NOTCH2NLC: variants seen among roughly 807,000 people sequenced by gnomAD.
NOTCH2NLC encodes notch 2 N-terminal like C, also known as notch homolog 2 N-terminal-like protein C.
A neutral mutation model predicts 17.7 loss-of-function variants in NOTCH2NLC; 4 were observed. The observed-to-expected ratio is 0.23, with a 90% CI of 0.11 to 0.52. The LOEUF (loss-of-function observed/expected upper bound fraction) is 0.52, where lower values mean the gene tolerates loss of function less well. Among genes scored for constraint, NOTCH2NLC ranks in the 20% least tolerant of loss-of-function variants. The pLI is 0.96. For missense variants in NOTCH2NLC, 57 were observed against 207.2 expected (o/e 0.28, Z 4.45); for synonymous variants, 18 against 86.0 (o/e 0.21, Z 4.38).
intron 1 of NOTCH2NLC, among the ~76,000 whole-genome samples, chr1:149,427,492 CTTTTTT>C (rs1171198772): frequency 9.2e-5 from 8 of 87,320 alleles, no homozygotes; most frequent in African/African-American, 3.8e-4. Flanking sequence ...TCTACCACAG[CTTTTTT>C]TTTTTTTTTT....
chr1:149,461,180 C>T (rs1350861058), intron 3 of NOTCH2NLC, among the ~76,000 whole-genome samples: 1 of 149,814 alleles, frequency 6.7e-6, no homozygotes, highest in Non-Finnish European at 1.5e-5. Context: ...AGTGATCTGC[C>T]CACCTCAGCC....
intron 3 of NOTCH2NLC, among the ~76,000 whole-genome samples, chr1:149,460,629 A>C (rs1570921902): frequency 6.8e-6 from 1 of 148,114 alleles, no homozygotes; most frequent in Non-Finnish European, 1.5e-5. Context: ...GAGCCACCAC[A>C]CCCGGCCGAT....
rs1163066549 is a variant in NOTCH2NLC, at chr1:149,471,372, A to G, written c.*7219A>G. 1.3e-5 allele frequency among the ~76,000 whole-genome samples: 2 copies of G among 149,194 alleles called. No individual in the cohort carries two copies. Among genetic ancestry groups the G allele is most frequent in the Admixed American group, 6.7e-5 (1 of 14,896 alleles). ...TCTTTTGTTGCTTGTGCTTTCAGTC[A>G]TATTTGTGAAAACTTTGCTTATCCC... On this transcript the variant is annotated 3_prime_UTR_variant, in exon 5 of 5. Transcript: ENST00000650865.
At position 149,428,803 on chromosome 1, in the gene NOTCH2NLC, C is replaced by G. The variant is rs1423641997; in HGVS notation, c.136-2139C>G. The stretch of plus-strand genomic sequence containing the variant: ...GGTCTCCTGAGTCCCTCCACTGCAC[C>G]AGGATTCCTGCAGGGGGACAGAGCT... On this transcript the variant is annotated intron_variant, in intron 1 of 4. Transcript: ENST00000650865. Among the ~76,000 whole-genome samples the G allele has an allele frequency of 3.3e-5, 5 of 150,056 alleles. 1 individual carries two copies. The highest frequency in any genetic ancestry group is 7.4e-5 in the Non-Finnish European group (5 of 67,152).
chr1:149,433,543 CTT>C (rs2084465266), intron 2 of NOTCH2NLC, among the ~76,000 whole-genome samples: 1 of 148,740 alleles, frequency 6.7e-6, no homozygotes, highest in Non-Finnish European at 1.5e-5. Context: ...AACTTGGTGA[CTT>C]ATATATGGAG....
chr1:149,460,920 T>C (rs1200805157), intron 3 of NOTCH2NLC, among the ~76,000 whole-genome samples: 1 of 137,700 alleles, frequency 7.3e-6, no homozygotes, highest in East Asian at 2.1e-4. Flanking sequence ...TCTTTCTCTC[T>C]CTTTCTCTCT....
chr1:149,447,041 ACT>A (rs1218189053), intron 2 of NOTCH2NLC, among the ~76,000 whole-genome samples: 1 of 135,552 alleles, frequency 7.4e-6, no homozygotes, highest in Admixed American at 7.4e-5. Flanking sequence ...CCATGTTTTC[ACT>A]CTCTAACCAA....
chr1:149,419,673 C>G (rs1288159950), intron 1 of NOTCH2NLC, among the ~76,000 whole-genome samples: 2 of 149,496 alleles, frequency 1.3e-5, no homozygotes, highest in Admixed American at 6.7e-5. Flanking sequence ...TTAAGAGGAA[C>G]TGATTTGGAC....
chr1:149,430,647 G>T (rs1416267704), intron 1 of NOTCH2NLC, among the ~76,000 whole-genome samples: 2 of 147,218 alleles, frequency 1.4e-5, no homozygotes, highest in South Asian at 4.4e-4. Context: ...GTCATAGATG[G>T]TATGGCTTTA....
chr1:149,401,143 A>T (rs1398677242), intron 1 of NOTCH2NLC, among the ~76,000 whole-genome samples: 1 of 147,286 alleles, frequency 6.8e-6, no homozygotes, highest in Non-Finnish European at 1.5e-5. Context: ...AGAAGAGTAG[A>T]TTGCTTTTTT....
chr1:149,448,683 A>T (rs2101502443), intron 2 of NOTCH2NLC, among the ~76,000 whole-genome samples: 1 of 150,994 alleles, frequency 6.6e-6, no homozygotes, highest in Non-Finnish European at 1.5e-5. Flanking sequence ...CCAGATCAGA[A>T]GGTCATGGTT....
intron 1 of NOTCH2NLC, among the ~76,000 whole-genome samples, chr1:149,427,575 T>C (rs1251687317): frequency 1.4e-5 from 1 of 69,078 alleles, no homozygotes; most frequent in Non-Finnish European, 2.8e-5. Context: ...CTCGGCTCAC[T>C]GCAACCTCCG....
chr1:149,416,715 T>C (rs2084337303), intron 1 of NOTCH2NLC, among the ~76,000 whole-genome samples: 1 of 150,272 alleles, frequency 6.7e-6, no homozygotes, highest in Admixed American at 6.6e-5. Context: ...TCTAAACAAT[T>C]TCAGTCATAG....
rs1175539238 is a variant in NOTCH2NLC at position 149,468,958 on chromosome 1, C to CTTTTTTTTTTTTTT, written c.*4816_*4829dup. ...GGCATGTGTCATTTTCTTTTCTTTTCTTTTTTTTTTTTTTTTTTTTTTTTG... is the reference window on the plus strand; with the variant it reads ...GGCATGTGTCATTTTCTTTTCTTTTCTTTTTTTTTTTTTTTTTTTTTTTTTTTTTTTTTTTTTTG... On this transcript the variant is annotated 3_prime_UTR_variant, in exon 5 of 5. Coordinates refer to ENST00000650865, the MANE Select transcript of NOTCH2NLC (RefSeq NM_001364013.2). Among the ~76,000 whole-genome samples, 9 of 53,452 alleles carry CTTTTTTTTTTTTTT rather than the reference C, an allele frequency of 1.7e-4. No homozygotes were observed. Among genetic ancestry groups the CTTTTTTTTTTTTTT allele is most frequent in the African/African-American group, 4.7e-4 (5 of 10,734 alleles). The allele number at this position is 53,452 out of a possible 152,430, so 35.1% of individuals were successfully genotyped here.
At chr1:149,442,282 A>G (rs1315040484) in intron 2 of NOTCH2NLC, among the ~76,000 whole-genome samples, 1 of 149,788 alleles carries the variant, frequency 6.7e-6, no homozygotes, top group Non-Finnish European at 1.5e-5. Context: ...TGCATCTGTG[A>G]GGGGCTAGCT....
At chr1:149,462,054 C>A (rs2084653306) in intron 3 of NOTCH2NLC, among the ~76,000 whole-genome samples, 1 of 137,762 alleles carries the variant, frequency 7.3e-6, no homozygotes, top group Non-Finnish European at 1.6e-5. Context: ...ATGGGTGCAG[C>A]ACACCAACAT....
chr1:149,432,984 GT>G (rs1228642719), intron 2 of NOTCH2NLC, among the ~76,000 whole-genome samples: 3 of 148,884 alleles, frequency 2.0e-5, no homozygotes, highest in Non-Finnish European at 4.5e-5. Flanking sequence ...GCACATGTGT[GT>G]TTACTTCAGC....
chr1:149,466,467 G>T lies in NOTCH2NLC; in HGVS notation c.*2314G>T, dbSNP rs2101517316. 1.3e-5 allele frequency: 2 copies of T among 148,812 alleles called. 1 individual carries two copies. The highest frequency in any genetic ancestry group is 4.2e-4 in the South Asian group (2 of 4,706). The allele number at this position is 148,812 out of a possible 1,614,324, so 9.2% of individuals were successfully genotyped here. A position where few individuals can be genotyped will look rare whatever the true frequency, so the allele number is the denominator to read the frequency against. ...TGAATAAATGTTATTTATACAGTTT[G>T]TAAGATTTCATGCTCATTGTTCGTA... On this transcript the variant is annotated 3_prime_UTR_variant, in exon 5 of 5. Transcript: ENST00000650865.
chr1:149,430,025 A>G (rs1201121408), intron 1 of NOTCH2NLC, among the ~76,000 whole-genome samples: 3 of 150,700 alleles, frequency 2.0e-5, no homozygotes, highest in African/African-American at 7.3e-5. Flanking sequence ...TCAACTCTAA[A>G]AGCTAAACAA....
Sources: gnomAD v4.1 joint callset for allele counts (sites outside exome capture counted in the v4.1 genomes callset) on GRCh38, gnomAD v4.1.1 for gene constraint, MANE v1.5 for transcripts, NCBI Gene and HGNC (gene_info 2026-07-23, HGNC 2026-07-21) for gene names.